TTC28: variants seen among roughly 807,000 people sequenced by gnomAD.
TTC28 encodes the protein tetratricopeptide repeat domain 28, also known as tetratricopeptide repeat protein 28.
Under a neutral mutation model 198.0 loss-of-function variants are expected in TTC28, and 61 were observed. The ratio of observed to expected loss-of-function variants is 0.31; its 90% CI spans 0.25 to 0.38. The LOEUF is 0.38. TTC28 is among the 10% of genes least tolerant of loss of function. The probability of loss-of-function intolerance (pLI) is 1.00; values close to 1 mark genes in which losing one functional copy is unlikely to be tolerated. For missense variants in TTC28, 2,678 were observed against 3,164.0 expected (o/e 0.85, Z 3.69); for synonymous variants, 1,171 against 1,297.8 (o/e 0.90, Z 2.10).
At chr22:28,254,438 T>A (rs996742334) in intron 5 of TTC28, among the ~76,000 whole-genome samples, 140 of 150,606 alleles carry the variant, frequency 9.3e-4, no homozygotes, top group African/African-American at 3.2e-3. Flanking sequence ...ATCAGAAAAG[T>A]CAAGGAAGAA....
chr22:28,345,240 G>T (rs974733155), intron 2 of TTC28, among the ~76,000 whole-genome samples: 1 of 152,050 alleles, frequency 6.6e-6, no homozygotes, highest in African/African-American at 2.4e-5. Flanking sequence ...AACCACAAAG[G>T]AATATGTCAT....
intron 2 of TTC28, among the ~76,000 whole-genome samples, chr22:28,612,984 G>C (rs895488251): frequency 6.6e-6 from 1 of 152,060 alleles, no homozygotes; most frequent in Non-Finnish European, 1.5e-5. Context: ...ACTAAGATCA[G>C]AGCAGAACTG....
chr22:28,196,468 C>T (rs1925345754), intron 5 of TTC28, among the ~76,000 whole-genome samples: 1 of 152,114 alleles, frequency 6.6e-6, no homozygotes, highest in South Asian at 2.1e-4. Context: ...AGCTTCTGCA[C>T]AGCAAGAGAA....
chr22:28,018,858 G>A (rs975997174), intron 13 of TTC28, among the ~76,000 whole-genome samples: 1 of 152,172 alleles, frequency 6.6e-6, no homozygotes, highest in African/African-American at 2.4e-5. Flanking sequence ...GCCCCTCCCT[G>A]GTTGTATGGG....
intron 2 of TTC28, among the ~76,000 whole-genome samples, chr22:28,412,438 G>A (rs2047096353): frequency 6.6e-6 from 1 of 152,112 alleles, no homozygotes; most frequent in Admixed American, 6.5e-5. Flanking sequence ...AATGTGTGCT[G>A]GCTCCTAAAA....
intron 2 of TTC28, among the ~76,000 whole-genome samples, chr22:28,413,614 T>C (rs946076985): frequency 1.3e-5 from 2 of 152,172 alleles, no homozygotes; most frequent in Non-Finnish European, 2.9e-5. Flanking sequence ...AATTTTGCTA[T>C]AGAAAAACAT....
chr22:28,630,246 C>A (rs890825851), intron 1 of TTC28, among the ~76,000 whole-genome samples: 1 of 152,030 alleles, frequency 6.6e-6, no homozygotes, highest in Non-Finnish European at 1.5e-5. Flanking sequence ...GCCAAATAAC[C>A]CTTTTTTATT....
chr22:28,142,163 G>A (rs116097806), intron 6 of TTC28, among the ~76,000 whole-genome samples: 290 of 152,310 alleles, frequency 1.9e-3, no homozygotes, highest in African/African-American at 6.5e-3. Context: ...TGCCTCCAAG[G>A]TACATCGTGA....
At position 28,087,636 on chromosome 22, in the gene TTC28, A is replaced by G. The variant is rs1045072479; in HGVS notation, c.3932+6444T>C. 2.0e-4 allele frequency among the ~76,000 whole-genome samples: 30 copies of G among 152,176 alleles called. 1 individual carries two copies. The highest frequency in any genetic ancestry group is 6.5e-4 in the African/African-American group (27 of 41,450). On this transcript the variant is annotated intron_variant, in intron 12 of 22. Coordinates refer to ENST00000397906, the MANE Select transcript of TTC28 (RefSeq NM_001145418.2). The stretch of plus-strand genomic sequence containing the variant: ...ATGCCCTCTCTCACCACTCCTATTC[A>G]ACACAGTGCTGGAAGTTCTGGCCAG...
intron 2 of TTC28, among the ~76,000 whole-genome samples, chr22:28,376,090 C>T (rs2046405533): frequency 6.6e-6 from 1 of 152,200 alleles, no homozygotes; most frequent in African/African-American, 2.4e-5. Context: ...CCCCCATAAT[C>T]TCATGAGCCA....
At chr22:28,222,748 A>C (rs1927986846) in intron 5 of TTC28, among the ~76,000 whole-genome samples, 1 of 152,238 alleles carries the variant, frequency 6.6e-6, no homozygotes, top group Non-Finnish European at 1.5e-5. Context: ...GTTGAAATGA[A>C]TCTTTCAAAT....
chr22:28,338,881 G>C (rs1432929213), intron 2 of TTC28, among the ~76,000 whole-genome samples: 1 of 152,168 alleles, frequency 6.6e-6, no homozygotes, highest in Non-Finnish European at 1.5e-5. Flanking sequence ...ACTTGTCAAA[G>C]TCGTTCTCCA....
rs140163671 is a variant in TTC28, at chr22:28,019,415, G to A, written c.4074-5023C>T. Among the ~76,000 whole-genome samples the A allele has an allele frequency of 4.1e-4, 62 of 152,312 alleles. 1 individual carries two copies. The East Asian group carries it at 0.012, about 29-fold the overall frequency. On this transcript the variant is annotated intron_variant, in intron 13 of 22. Transcript: ENST00000397906. ...TCAGGCATGGGACAGTTAGGTGCAG[G>A]CTCAGCTTTCTGGTGGTGTAATCTG...
intron 5 of TTC28, among the ~76,000 whole-genome samples, chr22:28,223,999 G>C (rs2147209891): frequency 6.6e-6 from 1 of 152,266 alleles, no homozygotes; most frequent in South Asian, 2.1e-4. Context: ...TTCTCAGCTA[G>C]GGCAATTTCC....
chr22:28,230,336 A>G (rs948591930), intron 5 of TTC28, among the ~76,000 whole-genome samples: 2 of 152,238 alleles, frequency 1.3e-5, no homozygotes, highest in Admixed American at 1.3e-4. Context: ...TTCCACAGAG[A>G]GATCTGTTGG....
chr22:28,615,627 G>T (rs2050892131), intron 2 of TTC28, among the ~76,000 whole-genome samples: 1 of 152,136 alleles, frequency 6.6e-6, no homozygotes, highest in African/African-American at 2.4e-5. Flanking sequence ...AAAAAAGGAT[G>T]AGTTCGTGTC....
At chr22:28,122,087 C>T (rs757058234) in intron 6 of TTC28, among the ~76,000 whole-genome samples, 50 of 152,132 alleles carry the variant, frequency 3.3e-4, no homozygotes, top group Admixed American at 1.3e-3. Context: ...AGGCTGTTCT[C>T]GAACTCCTGA....
At chr22:28,209,439 A>G (rs1926709176) in intron 5 of TTC28, among the ~76,000 whole-genome samples, 2 of 152,178 alleles carry the variant, frequency 1.3e-5, no homozygotes, top group African/African-American at 4.8e-5. Flanking sequence ...TTCCCACCCT[A>G]ATACTGCGCT....
At chr22:28,607,718 T>A (rs1333454069) in intron 2 of TTC28, among the ~76,000 whole-genome samples, 1 of 152,186 alleles carries the variant, frequency 6.6e-6, no homozygotes, top group East Asian at 1.9e-4. Flanking sequence ...AATCTTACTT[T>A]ACCTTTAAAA....
Sources: gnomAD v4.1 joint callset for allele counts (sites outside exome capture counted in the v4.1 genomes callset) on GRCh38, gnomAD v4.1.1 for gene constraint, MANE v1.5 for transcripts, NCBI Gene and HGNC (gene_info 2026-07-23, HGNC 2026-07-21) for gene names.